Variants in PLEKHA6 observed in about 807,000 individuals in gnomAD.
PLEKHA6 encodes the protein pleckstrin homology domain-containing family A member 6.
In PLEKHA6, 60 loss-of-function variants were observed where a neutral mutation model predicts 116.7. The observed-to-expected ratio is 0.51, with a 90% CI of 0.42 to 0.64. The LOEUF (loss-of-function observed/expected upper bound fraction) is 0.64, where lower values mean the gene tolerates loss of function less well. Ranked by LOEUF, PLEKHA6 falls within the 30% of genes least tolerant of loss-of-function variation. PLEKHA6 has a pLI of 0.00. For synonymous variants in PLEKHA6, 489 were observed against 556.1 expected, an observed-to-expected ratio of 0.88 and a Z score of 1.70; for missense variants, 1,338 against 1,422.7, an observed-to-expected ratio of 0.94 and a Z score of 0.96.
intron 1 of PLEKHA6, among the ~76,000 whole-genome samples, chr1:204,356,584 T>TAATAA (rs201831151): frequency 1.2e-3 from 150 of 127,602 alleles, no homozygotes; most frequent in African/African-American, 4.4e-3. Flanking sequence ...AATAATAATA[T>TAATAA]TAATAATAAT....
At chr1:204,304,597 C>T (rs1322367366) in intron 1 of PLEKHA6, among the ~76,000 whole-genome samples, 1 of 152,204 alleles carries the variant, frequency 6.6e-6, no homozygotes, top group Non-Finnish European at 1.5e-5. Context: ...TCTCCTGCCC[C>T]TAAAAGATGT....
chr1:204,331,047 A>T (rs1672429029), intron 1 of PLEKHA6, among the ~76,000 whole-genome samples: 1 of 152,120 alleles, frequency 6.6e-6, no homozygotes, highest in African/African-American at 2.4e-5. Flanking sequence ...ATACAAAAAA[A>T]TTAGCCATGC....
chr1:204,374,764 C>G (rs1673837174), intron 1 of PLEKHA6, among the ~76,000 whole-genome samples: 1 of 152,146 alleles, frequency 6.6e-6, no homozygotes, highest in Admixed American at 6.5e-5. Context: ...CCCCTGGCAG[C>G]TTCATGTCTC....
intron 18 of PLEKHA6, 67 bp downstream of exon 18, chr1:204,230,346 T>A (rs777977036): frequency 2.7e-5 from 36 of 1,316,064 alleles, no homozygotes; most frequent in Non-Finnish European, 3.4e-5. Flanking sequence ...AAGCTGGCCA[T>A]GCCCTGGGAG....
Position 204,220,039 on chromosome 1 carries a change from GA to G in PLEKHA6, c.*2748del, listed in dbSNP as rs1399057445. On this transcript the variant is annotated 3_prime_UTR_variant, in exon 23 of 23. Coordinates refer to ENST00000272203, the MANE Select transcript of PLEKHA6 (RefSeq NM_014935.5). ...TGAAAAGGAGTGTGACAAGTCCAAG[GA>G]ACTTGTATGTGTCTGTGCTACAGGG... 1.3e-5 allele frequency: 2 copies of G among 152,318 alleles called. No individual in the cohort carries two copies. The highest frequency in any genetic ancestry group is 4.8e-5 in the African/African-American group (2 of 41,566). 9.4% of individuals were successfully genotyped at this position (152,318 alleles called of 1,614,324 possible). A position where few individuals can be genotyped will look rare whatever the true frequency, so the allele number is the denominator to read the frequency against.
intron 17 of PLEKHA6, among the ~76,000 whole-genome samples, chr1:204,231,918 T>A (rs936376851): frequency 6.6e-6 from 1 of 152,176 alleles, no homozygotes; most frequent in African/African-American, 2.4e-5. Flanking sequence ...TTTAGTATTT[T>A]TCCCCTGAAT....
intron 1 of PLEKHA6, among the ~76,000 whole-genome samples, chr1:204,293,611 G>T (rs564700891): frequency 2.0e-5 from 3 of 152,154 alleles, no homozygotes; most frequent in East Asian, 1.9e-4. Flanking sequence ...TCTTTATTTC[G>T]AATGTTACTA....
At chr1:204,234,980 AT>A (rs1558031127) in intron 17 of PLEKHA6, among the ~76,000 whole-genome samples, 1,150 of 33,902 alleles carry the variant, frequency 0.034, 111 homozygotes, top group African/African-American at 0.059. Context: ...ATATATATAT[AT>A]ATATATATAT....
intron 17 of PLEKHA6, among the ~76,000 whole-genome samples, chr1:204,232,372 C>T (rs1661311231): frequency 6.6e-6 from 1 of 152,170 alleles, no homozygotes; most frequent in Non-Finnish European, 1.5e-5. Flanking sequence ...TTAAGAAACT[C>T]ATTGTAGGAA....
intron 2 of PLEKHA6, among the ~76,000 whole-genome samples, 196 bp from the exon 3 acceptor site, chr1:204,273,936 A>G (rs1457111615): frequency 1.3e-5 from 2 of 151,878 alleles, no homozygotes; most frequent in Non-Finnish European, 2.9e-5. Flanking sequence ...TTGGACATTT[A>G]TTTTATTTAT....
At position 204,238,040 on chromosome 1, in the gene PLEKHA6, GGCCCC is replaced by G. The variant is rs1662309116; in HGVS notation, c.2409+3330_2409+3334del. On this transcript the variant is annotated intron_variant, in intron 17 of 22. Transcript: ENST00000272203. This position sits in a 1 kb window ranked among gnomAD's most constrained non-coding sequence, Gnocchi z 4.2. ...AGGCGAAGGATATGTTGCTGCATTT[GGCCCC>G]TCCTACAACCAAGAAAGAGGCACAG... Among the ~76,000 whole-genome samples, 4 of 152,186 alleles carry G rather than the reference GGCCCC, an allele frequency of 2.6e-5. No individual in the cohort carries two copies. In the South Asian group the frequency reaches 8.3e-4, roughly 32 times the overall value.
intron 1 of PLEKHA6, among the ~76,000 whole-genome samples, chr1:204,291,189 C>T (rs1284586087): frequency 6.6e-6 from 1 of 152,082 alleles, no homozygotes; most frequent in Non-Finnish European, 1.5e-5. Context: ...CATCATTAGC[C>T]ATTAGAGAAA....
chr1:204,329,313 T>C (rs542852098), intron 1 of PLEKHA6, among the ~76,000 whole-genome samples: 1 of 152,312 alleles, frequency 6.6e-6, no homozygotes, highest in African/African-American at 2.4e-5. Context: ...ATGGGGCCCA[T>C]GTCTTACCAG....
In PLEKHA6 at chr1:204,261,653, G is replaced by A. The variant is rs560247913; in HGVS notation, c.382-205C>T. The A allele has an allele frequency of 3.2e-5, 19 of 586,574 alleles. No individual in the cohort carries two copies. The highest frequency in any genetic ancestry group is 7.6e-5 in the African/African-American group (4 of 52,574). The allele number at this position is 586,574 out of a possible 1,614,324, so 36.3% of individuals were successfully genotyped here. On this transcript the variant is annotated intron_variant, in intron 6 of 22. Transcript: ENST00000272203. The surrounding 1 kb of genome is among the most constrained non-coding windows in gnomAD (Gnocchi z 4.0). ...CCCGAGGGTTCCAGCTGGTACCCACGTATCCACCTTGGCTGGCTCTCTGGG... is the reference window on the plus strand; with the variant it reads ...CCCGAGGGTTCCAGCTGGTACCCACATATCCACCTTGGCTGGCTCTCTGGG...
intron 1 of PLEKHA6, among the ~76,000 whole-genome samples, chr1:204,316,688 G>A (rs1260948711): frequency 6.6e-6 from 1 of 152,120 alleles, no homozygotes; most frequent in African/African-American, 2.4e-5. Context: ...ACTTTTATCT[G>A]GCCAACTGGA....
At chr1:204,250,423 G>A (rs971844313) in intron 10 of PLEKHA6, 123 bp downstream of exon 10, 1 of 716,548 alleles carries the variant, frequency 1.4e-6, no homozygotes, top group Non-Finnish European at 2.5e-6. Context: ...CCACCAGAAG[G>A]AGAGAGATAG....
intron 1 of PLEKHA6, among the ~76,000 whole-genome samples, chr1:204,314,214 A>G (rs1054891803): frequency 3.9e-5 from 6 of 152,178 alleles, no homozygotes; most frequent in Non-Finnish European, 7.4e-5. Context: ...AAGATGGCAG[A>G]GACAGAGGTG....
intron 10 of PLEKHA6, 145 bp downstream of exon 10, chr1:204,250,401 A>C (rs1664374062): frequency 4.6e-6 from 3 of 656,336 alleles, no homozygotes; most frequent in Non-Finnish European, 8.3e-6. Context: ...CATGAATCAA[A>C]GGTATGAAAA....
intron 3 of PLEKHA6, among the ~76,000 whole-genome samples, chr1:204,269,510 G>A (rs1281203257): frequency 6.8e-6 from 1 of 147,374 alleles, no homozygotes; most frequent in Non-Finnish European, 1.5e-5. Flanking sequence ...CCCAATCCCA[G>A]GAGGCTCAGC....
Sources: allele counts gnomAD v4.1 joint callset (sites outside exome capture counted in the v4.1 genomes callset), GRCh38; gene constraint gnomAD v4.1.1; non-coding constraint Gnocchi (gnomAD v3.1); transcripts MANE v1.5; gene names NCBI Gene and HGNC (gene_info 2026-07-23, HGNC 2026-07-21).